SAMD3: variants seen among roughly 807,000 people sequenced by gnomAD.
The protein encoded by SAMD3 is sterile alpha motif domain-containing protein 3.
SAMD3 carries 63 observed loss-of-function variants against 58.5 expected under a neutral mutation model. The observed-to-expected ratio is 1.08, with a 90% CI of 0.88 to 1.33. The LOEUF (loss-of-function observed/expected upper bound fraction) is 1.33, where lower values mean the gene tolerates loss of function less well. SAMD3 is among the 40% of genes most tolerant of loss of function. SAMD3 has a pLI of 0.00. For synonymous variants in SAMD3, 220 were observed against 210.3 expected (o/e 1.05, Z -0.40); for missense variants, 604 against 608.4 (o/e 0.99, Z 0.08).
chr6:130,221,529 T>G (rs1469231389), intron 1 of SAMD3: 1 of 152,228 alleles, frequency 6.6e-6, no homozygotes, highest in Non-Finnish European at 1.5e-5. Context: ...ACACATATTT[T>G]GTATGTTATA....
At chr6:130,228,931 G>A (rs1796461710) in intron 2 of SAMD3, among the ~76,000 whole-genome samples, 1 of 152,160 alleles carries the variant, frequency 6.6e-6, no homozygotes, top group African/African-American at 2.4e-5. Context: ...TATTACAGGT[G>A]TTTCTGGTTT....
intron 2 of SAMD3, among the ~76,000 whole-genome samples, chr6:130,292,786 T>C (rs981762215): frequency 1.1e-4 from 17 of 151,786 alleles, no homozygotes; most frequent in African/African-American, 1.7e-4. Flanking sequence ...GCCCGGCTAA[T>C]TTTTTGTATT....
At chr6:130,281,615 C>T (rs1464478341) in intron 2 of SAMD3, among the ~76,000 whole-genome samples, 1 of 151,970 alleles carries the variant, frequency 6.6e-6, no homozygotes, top group African/African-American at 2.4e-5. Flanking sequence ...AAGCTTCTTA[C>T]AATGGAATTA....
At chr6:130,283,132 T>A (rs944072813) in intron 2 of SAMD3, among the ~76,000 whole-genome samples, 1 of 152,098 alleles carries the variant, frequency 6.6e-6, no homozygotes, top group African/African-American at 2.4e-5. Context: ...AAAAAGTCAA[T>A]AGACTAAACT....
chr6:130,208,776 T>C (rs548470319), intron 5 of SAMD3, among the ~76,000 whole-genome samples: 1 of 152,140 alleles, frequency 6.6e-6, no homozygotes, highest in African/African-American at 2.4e-5. Flanking sequence ...AAGTGTGCAA[T>C]AAATGGAATG....
chr6:130,363,245 C>T (rs1778037233), intron 1 of SAMD3, among the ~76,000 whole-genome samples: 1 of 152,176 alleles, frequency 6.6e-6, no homozygotes, highest in South Asian at 2.1e-4. Flanking sequence ...ATGCTATGGG[C>T]TACATTTAAG....
At chr6:130,210,090 G>A (rs1259804156) in intron 4 of SAMD3, among the ~76,000 whole-genome samples, 3 of 152,126 alleles carry the variant, frequency 2.0e-5, no homozygotes, top group Non-Finnish European at 2.9e-5. Flanking sequence ...AGCCTAGAAG[G>A]CAGAGCAACT....
intron 1 of SAMD3, among the ~76,000 whole-genome samples, chr6:130,322,589 T>C (rs538361689): frequency 2.1e-4 from 32 of 152,210 alleles, no homozygotes; most frequent in African/African-American, 6.7e-4. Context: ...TGAGCCGAGA[T>C]TGCACCACTG....
intron 1 of SAMD3, among the ~76,000 whole-genome samples, chr6:130,322,791 T>G (rs1442311730): frequency 6.6e-6 from 1 of 152,226 alleles, no homozygotes; most frequent in Non-Finnish European, 1.5e-5. Context: ...AAGCAGAAAT[T>G]TTGAAGAATC....
chr6:130,365,806 C>T, upstream of SAMD3: 1 of 985,448 alleles, frequency 1.0e-6, no homozygotes, highest in Non-Finnish European at 1.2e-6. Flanking sequence ...GCGGATCGGC[C>T]GGCCTGGGCT....
chr6:130,265,747 T>A (rs1032883418), intron 2 of SAMD3, among the ~76,000 whole-genome samples: 2 of 149,220 alleles, frequency 1.3e-5, no homozygotes, highest in African/African-American at 5.0e-5. Flanking sequence ...ATAAACGATA[T>A]GAGTAAAGTG....
chr6:130,243,818 C>T (rs1157243191), intron 2 of SAMD3, among the ~76,000 whole-genome samples: 3 of 152,150 alleles, frequency 2.0e-5, no homozygotes, highest in African/African-American at 7.2e-5. Flanking sequence ...AGTGCACAAC[C>T]ATATGCACAC....
intron 2 of SAMD3, among the ~76,000 whole-genome samples, chr6:130,291,855 G>T (rs12211846): frequency 6.6e-6 from 1 of 151,916 alleles, no homozygotes; most frequent in Non-Finnish European, 1.5e-5. Flanking sequence ...TCCCAATTTC[G>T]TTAGAGTCAC....
chr6:130,332,890 C>A (rs548323908), intron 1 of SAMD3, among the ~76,000 whole-genome samples: 3 of 152,144 alleles, frequency 2.0e-5, no homozygotes, highest in Admixed American at 6.5e-5. Context: ...CGATCCAGAC[C>A]TGTGGAGGAA....
intron 1 of SAMD3, among the ~76,000 whole-genome samples, chr6:130,319,446 G>A (rs1006203083): frequency 4.0e-5 from 6 of 149,506 alleles, no homozygotes; most frequent in African/African-American, 1.5e-4. Context: ...GGAGAGCAGA[G>A]TTCTTGATGA....
chr6:130,233,804 TCTC>T (rs1406252800), intron 2 of SAMD3, among the ~76,000 whole-genome samples: 3 of 152,210 alleles, frequency 2.0e-5, no homozygotes, highest in Non-Finnish European at 4.4e-5. Context: ...TGACACATTC[TCTC>T]TAATACAAAC....
At chr6:130,284,452 A>G (rs559344543) in intron 2 of SAMD3, among the ~76,000 whole-genome samples, 1 of 152,292 alleles carries the variant, frequency 6.6e-6, no homozygotes, top group African/African-American at 2.4e-5. Flanking sequence ...AAAAGATAAA[A>G]AATCATTTTA....
Position 130,325,331 on chromosome 6 carries a change from TC to T in SAMD3, c.-303-12239del, listed in dbSNP as rs926291054. Among the ~76,000 whole-genome samples, 17 of 152,284 alleles carry T rather than the reference TC, an allele frequency of 1.1e-4. No individual in the cohort carries two copies. In the East Asian group the frequency reaches 3.3e-3, roughly 29 times the overall value. ...AAGACCTGCGAACCTCGTGAGCTGT[TC>T]CTGCTGCAAACTCCAGAGTCTGAAG... On this transcript the variant is annotated intron_variant, in intron 1 of 13. Coordinates refer to the SAMD3 transcript ENST00000368134.
intron 1 of SAMD3, among the ~76,000 whole-genome samples, chr6:130,221,079 C>A (rs534237156): frequency 1.3e-5 from 2 of 152,076 alleles, no homozygotes; most frequent in Non-Finnish European, 2.9e-5. Context: ...TGGTCTCGAT[C>A]TCCTGACCTT....
Sources: gnomAD v4.1 joint callset for allele counts (sites outside exome capture counted in the v4.1 genomes callset) on GRCh38, gnomAD v4.1.1 for gene constraint, MANE v1.5 for transcripts, NCBI Gene and HGNC (gene_info 2026-07-23, HGNC 2026-07-21) for gene names.